The following CD28 variants were observed in gnomAD, a reference collection of about 807,000 sequenced individuals.
The protein encoded by CD28 is CD28 molecule, also known as T-cell-specific surface glycoprotein CD28.
CD28 carries 8 observed loss-of-function variants against 21.4 expected under a neutral mutation model. The observed-to-expected ratio is 0.37, with a 90% CI of 0.22 to 0.68. The LOEUF (loss-of-function observed/expected upper bound fraction) is 0.68. CD28 is among the 30% of genes least tolerant of loss of function. The pLI is 0.55. For synonymous variants in CD28, 106 were observed against 104.0 expected (o/e 1.02, Z -0.12); for missense variants, 239 against 272.2 (o/e 0.88, Z 0.86).
intron 1 of CD28, among the ~76,000 whole-genome samples, chr2:203,708,365 G>A (rs1005809265): frequency 9.2e-5 from 14 of 151,760 alleles, no homozygotes; most frequent in Non-Finnish European, 2.1e-4. Context: ...TTTTAAAAAG[G>A]TCAAACCTTA....
Position 203,735,158 on chromosome 2 carries a change from T to A in CD28, c.*246T>A. ...CCATGGCCCACATTCCAACTTACCA[T>A]GTACTTAGTGACTTGACTGAGAAGT... On this transcript the variant is annotated 3_prime_UTR_variant, in exon 4 of 4. Transcript: ENST00000324106. The A allele has an allele frequency of 4.1e-6, 2 of 493,006 alleles. No homozygotes were observed. Among genetic ancestry groups the A allele is most frequent in the South Asian group, 5.9e-5 (2 of 34,108 alleles). 30.5% of individuals were successfully genotyped at this position (493,006 alleles called of 1,614,324 possible).
intron 1 of CD28, among the ~76,000 whole-genome samples, chr2:203,721,682 C>A (rs1259338665): frequency 6.6e-6 from 1 of 152,114 alleles, no homozygotes; most frequent in Non-Finnish European, 1.5e-5. Flanking sequence ...CTCCTGAGAT[C>A]CTTAGCTGGT....
intron 1 of CD28, among the ~76,000 whole-genome samples, chr2:203,719,728 A>G (rs1693555349): frequency 6.6e-6 from 1 of 152,232 alleles, no homozygotes; most frequent in Non-Finnish European, 1.5e-5. Context: ...CAGATGAGAT[A>G]AGAGACAGCA....
At chr2:203,722,945 G>A (rs746666311) in intron 1 of CD28, among the ~76,000 whole-genome samples, 6 of 152,192 alleles carry the variant, frequency 3.9e-5, no homozygotes, top group Non-Finnish European at 7.3e-5. Flanking sequence ...TCCTCTGTTA[G>A]GCCACTGGTT....
At chr2:203,730,293 A>G (rs1047225601) in intron 3 of CD28, among the ~76,000 whole-genome samples, 2 of 152,174 alleles carry the variant, frequency 1.3e-5, no homozygotes, top group Non-Finnish European at 2.9e-5. Context: ...GTGTGAGGCC[A>G]AGTATGGTGC....
intron 1 of CD28, among the ~76,000 whole-genome samples, chr2:203,721,783 T>C (rs1466709987): frequency 6.6e-6 from 1 of 152,140 alleles, no homozygotes; most frequent in Non-Finnish European, 1.5e-5. Context: ...CATCAGATCA[T>C]GAGCTGCCGT....
chr2:203,707,044 A>G (rs1257713401), intron 1 of CD28, among the ~76,000 whole-genome samples: 4 of 152,014 alleles, frequency 2.6e-5, no homozygotes, highest in East Asian at 1.9e-4. Flanking sequence ...GGGTTTCACT[A>G]TGTTGCCCAG....
At chr2:203,716,165 A>C (rs938179813) in intron 1 of CD28, among the ~76,000 whole-genome samples, 37 of 152,126 alleles carry the variant, frequency 2.4e-4, no homozygotes, top group Admixed American at 2.4e-3. Context: ...TCCATCCTAC[A>C]TAAATGGAAT....
rs1694102565 is a variant in CD28 at position 203,738,476 on chromosome 2, A to AG, written c.*3567dup. On this transcript the variant is annotated 3_prime_UTR_variant, in exon 4 of 4. Coordinates refer to ENST00000324106, the MANE Select transcript of CD28 (RefSeq NM_006139.4). Reference sequence around the variant, plus strand: ...ACACACTCTCTCAAGACCTGGGGTGAGGGAGTCTGTGTTATCTGCAAGGCC... The same window carrying AG: ...ACACACTCTCTCAAGACCTGGGGTGAGGGGAGTCTGTGTTATCTGCAAGGCC... 6.6e-6 allele frequency: 1 copy of AG among 152,182 alleles called. No homozygotes were observed. The allele number at this position is 152,182 out of a possible 1,614,324, so 9.4% of individuals were successfully genotyped here.
At chr2:203,706,913 C>T (rs1693172147) in intron 1 of CD28, among the ~76,000 whole-genome samples, 165 bp downstream of exon 1, 2 of 152,068 alleles carry the variant, frequency 1.3e-5, no homozygotes, top group African/African-American at 4.8e-5. Flanking sequence ...TCTCAGACTA[C>T]AATATAGTAT....
rs137922793 is a variant in CD28 at position 203,728,623 on chromosome 2, T to C, written c.410-1025T>C. On this transcript the variant is annotated intron_variant, in intron 2 of 3. Transcript: ENST00000324106. ...AGAGACAATTAATGTGTGAATATTT[T>C]GTTTGCTGAGTCCTATTTAGATTTC... 1.3e-5 allele frequency among the ~76,000 whole-genome samples: 2 copies of C among 152,356 alleles called. 1 individual carries two copies. The highest frequency in any genetic ancestry group is 3.9e-4 in the East Asian group (2 of 5,190).
chr2:203,719,615 C>A (rs902342825), intron 1 of CD28, among the ~76,000 whole-genome samples: 5 of 152,158 alleles, frequency 3.3e-5, no homozygotes, highest in Non-Finnish European at 7.3e-5. Context: ...TTTCCTGTAA[C>A]CTTGGACAAC....
chr2:203,708,767 AG>A (rs1315744963), intron 1 of CD28, among the ~76,000 whole-genome samples: 1 of 152,240 alleles, frequency 6.6e-6, no homozygotes, highest in African/African-American at 2.4e-5. Flanking sequence ...ATGGGAGTGA[AG>A]GGGACACTTT....
At position 203,729,783 on chromosome 2, in the gene CD28, C is replaced by T; in HGVS notation, c.534+11C>T. The T allele has an allele frequency of 1.2e-6, 2 of 1,611,454 alleles. No individual in the cohort carries two copies. Among genetic ancestry groups the T allele is most frequent in the Non-Finnish European group, 1.7e-6 (2 of 1,179,048 alleles). The stretch of plus-strand genomic sequence containing the variant: ...TTTATTATTTTCTGGGTAAGAGAAG[C>T]AGCACTGCTTTTATGTAACTTTTCC... On this transcript the variant is annotated intron_variant, in intron 3 of 3. Coordinates refer to ENST00000324106, the MANE Select transcript of CD28 (RefSeq NM_006139.4).
intron 3 of CD28, among the ~76,000 whole-genome samples, chr2:203,733,133 G>T (rs985302457): frequency 1.3e-5 from 2 of 152,152 alleles, no homozygotes; most frequent in African/African-American, 4.8e-5. Flanking sequence ...CCCCTGCCCT[G>T]CTGTGATCTT....
intron 1 of CD28, among the ~76,000 whole-genome samples, chr2:203,723,279 G>C (rs535431004): frequency 4.6e-5 from 7 of 152,226 alleles, no homozygotes; most frequent in Middle Eastern, 3.4e-3. Context: ...CTGAGGTCAG[G>C]AGTTTGAGAC....
At chr2:203,728,638 A>G (rs897737009) in intron 2 of CD28, among the ~76,000 whole-genome samples, 2 of 152,208 alleles carry the variant, frequency 1.3e-5, no homozygotes, top group Non-Finnish European at 2.9e-5. Context: ...GCTGAGTCCT[A>G]TTTAGATTTC....
chr2:203,737,614 A>G lies in CD28; in HGVS notation c.*2702A>G, dbSNP rs200954568. 1 of 152,674 alleles carries G rather than the reference A, an allele frequency of 6.5e-6. No individual in the cohort carries two copies. The highest frequency in any genetic ancestry group is 1.5e-5 in the Non-Finnish European group (1 of 68,046). The allele number at this position is 152,674 out of a possible 1,614,324, so 9.5% of individuals were successfully genotyped here. A position where few individuals can be genotyped will look rare whatever the true frequency, so the allele number is the denominator to read the frequency against. ...ATTAGTATGAACCAAGAAATGGTTC[A>G]AAAACAGTGGTAGGAGCAATGCTTT... On this transcript the variant is annotated 3_prime_UTR_variant, in exon 4 of 4. Coordinates refer to ENST00000324106, the MANE Select transcript of CD28 (RefSeq NM_006139.4).
At chr2:203,724,123 G>A (rs540014978) in intron 1 of CD28, among the ~76,000 whole-genome samples, 3 of 152,188 alleles carry the variant, frequency 2.0e-5, no homozygotes, top group South Asian at 2.1e-4. Flanking sequence ...TGAAAGAAAC[G>A]AGACACAAAA....
Sources: gnomAD v4.1 joint callset for allele counts (sites outside exome capture counted in the v4.1 genomes callset) on GRCh38, gnomAD v4.1.1 for gene constraint, MANE v1.5 for transcripts, NCBI Gene and HGNC (gene_info 2026-07-23, HGNC 2026-07-21) for gene names.